RAB34: variants seen among roughly 807,000 people sequenced by gnomAD.
The protein encoded by RAB34 is RAB34, member RAS oncogene family.
A neutral mutation model predicts 39.0 loss-of-function variants in RAB34; 33 were observed. The ratio of observed to expected loss-of-function variants is 0.85; its 90% CI spans 0.64 to 1.13. The LOEUF (loss-of-function observed/expected upper bound fraction) is 1.13, where lower values mean the gene tolerates loss of function less well. Among genes scored for constraint, RAB34 ranks in the 50% most tolerant of loss-of-function variants. RAB34 has a pLI of 0.00. For synonymous variants in RAB34, 135 were observed against 125.1 expected (o/e 1.08, Z -0.53); for missense variants, 289 against 326.1 (o/e 0.89, Z 0.88).
rs1218475813 is a variant in RAB34 at position 28,715,906 on chromosome 17, G to A, written c.213-5C>T. Reference sequence around the variant, plus strand: ...TCAAAGGTGTCTTTGCAGAACCTGAGAGGGTACCAGATGCTGTGATCTGGA... The same window carrying A: ...TCAAAGGTGTCTTTGCAGAACCTGAAAGGGTACCAGATGCTGTGATCTGGA... On this transcript the variant is annotated splice_region_variant and splice_polypyrimidine_tract_variant and intron_variant, in intron 3 of 9. Transcript: ENST00000395245. The A allele has an allele frequency of 6.2e-7, 1 of 1,613,548 alleles. No individual in the cohort carries two copies. The highest frequency in any genetic ancestry group is 2.2e-5 in the East Asian group (1 of 44,876).
At chr17:28,715,354 C>T (rs2033195787) in intron 6 of RAB34, 78 bp from the exon 7 acceptor site, 1 of 1,579,816 alleles carries the variant, frequency 6.3e-7, no homozygotes, top group Non-Finnish European at 8.7e-7. Flanking sequence ...CCCAATTACC[C>T]CCTCTCTGGT....
intron 2 of RAB34, 110 bp from the exon 3 acceptor site, chr17:28,716,168 A>G (rs2033399724): frequency 2.0e-6 from 3 of 1,493,522 alleles, no homozygotes; most frequent in Admixed American, 3.9e-5. Flanking sequence ...GGCTGAGGGT[A>G]TTATAGACAC....
rs199958950 is a variant in RAB34, at chr17:28,716,105, A to G, written c.147-47T>C. The G allele has an allele frequency of 8.1e-6, 13 of 1,611,768 alleles. No homozygotes were observed. The Middle Eastern group carries it at 9.9e-4, about 122-fold the overall frequency. On this transcript the variant is annotated intron_variant, in intron 2 of 9. Transcript: ENST00000395245. Reference sequence around the variant, plus strand: ...AAGGGGAGTGGGCACGAGCTCTTTCACCCTAGGGAGTTCCAATGCTCCCGA... The same window carrying G: ...AAGGGGAGTGGGCACGAGCTCTTTCGCCCTAGGGAGTTCCAATGCTCCCGA...
rs201771822 is a variant in RAB34, at chr17:28,715,121, G to A, written c.515C>T (p.Thr172Ile). 41 of 1,614,122 alleles carry A rather than the reference G, an allele frequency of 2.5e-5. No individual in the cohort carries two copies. The Admixed American group carries it at 4.0e-4, about 16-fold the overall frequency. The change falls in exon 8 of 10, where the codon ACC becomes ATC. Residue 172 changes from threonine to isoleucine, a missense_variant and splice_region_variant. By Grantham distance (89) the Thr-to-Ile change is moderately conservative. Coordinates refer to ENST00000395245, the MANE Select transcript of RAB34 (RefSeq NM_031934.6). The part of the protein sequence containing the change: ...FLVGSKKDLS[T>I]PAQYALMEKD... ...CTCCATCAGCGCATACTGAGCAGGG[G>A]TCTGAGGGAAGGCCAGAGTCAGAGG...
chr17:28,718,241 C>T, upstream of RAB34: 1 of 1,571,318 alleles, frequency 6.4e-7, no homozygotes, highest in East Asian at 2.4e-5. Flanking sequence ...CTTCCCTCCT[C>T]AACTCCAGGC....
In RAB34 at chr17:28,715,804, G is replaced by A. The variant is rs1415079014; in HGVS notation, c.310C>T (p.Gln104Ter). The A allele has an allele frequency of 1.2e-6, 2 of 1,613,550 alleles. No individual in the cohort carries two copies. Among genetic ancestry groups the A allele is most frequent in the Non-Finnish European group, 1.7e-6 (2 of 1,179,586 alleles). Residue 104 changes from glutamine to a stop codon, truncating the protein, a stop_gained, in exon 4 of 10, where the codon CAG (glutamine) becomes TAG (stop). Transcript: ENST00000395245. LOFTEE classifies it high-confidence loss of function. ...AAGGGGTGTGGAAGCACTCACAGCT[G>A]CAAACTGAAGGGAATGCCCAGCACC... ...FEVLGIPFSLQLWDTAGQERF... is the reference protein window; with the variant it reads ...FEVLGIPFSL
chr17:28,714,602 T>G lies in RAB34; in HGVS notation c.*41A>C. 1 of 1,613,910 alleles carries G rather than the reference T, an allele frequency of 6.2e-7. No homozygotes were observed. The highest frequency in any genetic ancestry group is 1.1e-5 in the South Asian group (1 of 91,072). ...CTCTGGAGGAATGAGGGTGGCACAG[T>G]GCCCTAGGGCTGGGCAGTCTCTGAA... On this transcript the variant is annotated 3_prime_UTR_variant, in exon 10 of 10. Coordinates refer to ENST00000395245, the MANE Select transcript of RAB34 (RefSeq NM_031934.6).
intron 4 of RAB34, 28 bp from the exon 5 acceptor site, chr17:28,715,733 G>A (rs1248923800): frequency 6.2e-7 from 1 of 1,613,888 alleles, no homozygotes; most frequent in Non-Finnish European, 8.5e-7. Context: ...TGAAGCACAG[G>A]TATGTATCTT....
chr17:28,717,066 TAGGG>T, intron 1 of RAB34, 72 bp from the exon 2 acceptor site: 2 of 1,584,334 alleles, frequency 1.3e-6, no homozygotes, highest in Non-Finnish European at 1.7e-6. Flanking sequence ...GCGGCCCGGG[TAGGG>T]GTGGAGTGCA....
Position 28,715,716 on chromosome 17 carries a change from G to T in RAB34, c.315-11C>A. The T allele has an allele frequency of 6.2e-7, 1 of 1,614,136 alleles. No individual in the cohort carries two copies. The highest frequency in any genetic ancestry group is 8.5e-7 in the Non-Finnish European group (1 of 1,180,002). ...CCAGCGGTATCCCAACTGGAAGGAA[G>T]GAAGAGTGAAGCACAGGTATGTATC... On this transcript the variant is annotated splice_polypyrimidine_tract_variant and intron_variant, in intron 4 of 9. Coordinates refer to ENST00000395245, the MANE Select transcript of RAB34 (RefSeq NM_031934.6).
At chr17:28,716,092 C>CACGA in intron 2 of RAB34, 34 bp from the exon 3 acceptor site, 2 of 1,613,034 alleles carry the variant, frequency 1.2e-6, no homozygotes, top group Non-Finnish European at 8.5e-7. Context: ...GGGGAGTGGG[C>CACGA]ACGAGCTCTT....
rs763495184 is a variant in RAB34 at position 28,717,463 on chromosome 17, C to G, written c.-197G>C. 1 of 1,455,306 alleles carries G rather than the reference C, an allele frequency of 6.9e-7. No homozygotes were observed. Among genetic ancestry groups the G allele is most frequent in the South Asian group, 1.3e-5 (1 of 74,250 alleles). 90.1% of individuals were successfully genotyped at this position (1,455,306 alleles called of 1,614,324 possible). A position where few individuals can be genotyped will look rare whatever the true frequency, so the allele number is the denominator to read the frequency against. On this transcript the variant is annotated 5_prime_UTR_variant, in exon 1 of 10. Coordinates refer to ENST00000395245, the MANE Select transcript of RAB34 (RefSeq NM_031934.6). ...CGGGCCACGGAGATGAAACAATCACCCGGGGCCGCGGCGAGCCCAAAATCA... is the reference window on the plus strand; with the variant it reads ...CGGGCCACGGAGATGAAACAATCACGCGGGGCCGCGGCGAGCCCAAAATCA...
At chr17:28,718,200 G>A, upstream of RAB34, 2 of 1,604,732 alleles carry the variant, frequency 1.2e-6, no homozygotes, top group Non-Finnish European at 8.5e-7. Flanking sequence ...GAGGGGAAAG[G>A]GGGAGAGAAG....
At position 28,717,403 on chromosome 17, in the gene RAB34, G is replaced by C; in HGVS notation, c.-137C>G. On this transcript the variant is annotated 5_prime_UTR_variant, in exon 1 of 10. Coordinates refer to ENST00000395245, the MANE Select transcript of RAB34 (RefSeq NM_031934.6). Reference sequence around the variant, plus strand: ...CAACTCGGGGCCACGGGGACCCTACGGGAGTCCGCGGTCTCGGAGACGCTA... The same window carrying C: ...CAACTCGGGGCCACGGGGACCCTACCGGAGTCCGCGGTCTCGGAGACGCTA... 6.6e-7 allele frequency: 1 copy of C among 1,508,480 alleles called. No homozygotes were observed. The highest frequency in any genetic ancestry group is 8.9e-7 in the Non-Finnish European group (1 of 1,128,534). The allele number at this position is 1,508,480 out of a possible 1,614,324, so 93.4% of individuals were successfully genotyped here. A position where few individuals can be genotyped will look rare whatever the true frequency, so the allele number is the denominator to read the frequency against.
At position 28,715,492 on chromosome 17, in the gene RAB34, A is replaced by G; in HGVS notation, c.395T>C (p.Phe132Ser). 1 of 1,614,086 alleles carries G rather than the reference A, an allele frequency of 6.2e-7. No individual in the cohort carries two copies. Among genetic ancestry groups the G allele is most frequent in the Non-Finnish European group, 8.5e-7 (1 of 1,180,038 alleles). ...YRGAQAIIIV[F>S]NLNDVASLEH... is the part of the protein sequence containing the mutation. The stretch of plus-strand genomic sequence containing the variant: ...CAGAGATGCCACATCATTCAGGTTG[A>G]AGACAATGATGATGGCTGGAAGAGT... Residue 132 changes from phenylalanine to serine, a missense_variant, in exon 6 of 10, where the codon TTC (phenylalanine) becomes TCC (serine). Transcript: ENST00000395245.
At chr17:28,717,982 C>T, upstream of RAB34, 1 of 1,292,126 alleles carries the variant, frequency 7.7e-7, no homozygotes, top group Non-Finnish European at 1.0e-6. Context: ...CTGCGTTGCC[C>T]CGCTCAGGCT....
At position 28,717,810 on chromosome 17, in the gene RAB34, G is replaced by A. The variant is rs893714740; in HGVS notation, c.-544C>T. 2.3e-6 allele frequency: 3 copies of A among 1,324,586 alleles called. No homozygotes were observed. Among genetic ancestry groups the A allele is most frequent in the East Asian group, 3.1e-5 (1 of 32,166 alleles). The allele number at this position is 1,324,586 out of a possible 1,614,324, so 82.1% of individuals were successfully genotyped here. ...GCAGGCCGCTGGAGGAGGGGGCGAG[G>A]GGCCCAGTCCGGCTACAGGGCCTCG... On this transcript the variant is annotated 5_prime_UTR_variant, in exon 1 of 10. Transcript: ENST00000395245.
At chr17:28,715,369 CA>C in intron 6 of RAB34, 86 bp downstream of exon 6, 1 of 1,589,600 alleles carries the variant, frequency 6.3e-7, no homozygotes, top group South Asian at 1.1e-5. Flanking sequence ...TCTGGTCCTA[CA>C]TGCATTCTTC....
intron 6 of RAB34, 39 bp from the exon 7 acceptor site, chr17:28,715,315 G>C: frequency 6.3e-7 from 1 of 1,597,274 alleles, no homozygotes; most frequent in Admixed American, 1.7e-5. Context: ...GAGTGAGTCT[G>C]CAGGGCCCCT....
Sources: allele counts gnomAD v4.1 joint callset, GRCh38; gene constraint gnomAD v4.1.1; transcripts MANE v1.5; gene names NCBI Gene and HGNC (gene_info 2026-07-23, HGNC 2026-07-21).